Variants in CNTRL observed in about 807,000 individuals in gnomAD.
The protein encoded by CNTRL is centriolin.
Under a neutral mutation model 303.7 loss-of-function variants are expected in CNTRL, and 233 were observed. The observed-to-expected ratio is 0.77, with a 90% CI of 0.69 to 0.86. The LOEUF is 0.86. CNTRL is among the 40% of genes least tolerant of loss of function. The probability of loss-of-function intolerance (pLI) is 0.00; values close to 1 mark genes in which losing one functional copy is unlikely to be tolerated. For synonymous variants in CNTRL, 900 were observed against 922.2 expected, an observed-to-expected ratio of 0.98 and a Z score of 0.44; for missense variants, 2,524 against 2,650.6, an observed-to-expected ratio of 0.95 and a Z score of 1.05.
intron 19 of CNTRL, among the ~76,000 whole-genome samples, chr9:121,142,912 AC>A (rs2051603030): frequency 6.8e-6 from 1 of 147,292 alleles, no homozygotes; most frequent in African/African-American, 2.6e-5. Flanking sequence ...ACCAACTATA[AC>A]TTTTTTTTTT....
At position 121,152,601 on chromosome 9, in the gene CNTRL, T is replaced by C. The variant is rs1293394811; in HGVS notation, c.4080T>C (p.His1360=). ...CGGAGAAAGAAATGGAAGAACTGCA[T>C]CATAATATTGATGATCTTTTGCAAG... ...RQSEKEMEEL[H]HNIDDLLQEK... The change falls in exon 26 of 44, where the codon CAT becomes CAC. Residue 1360 remains histidine (H), a synonymous_variant. Coordinates refer to ENST00000373855, the MANE Select transcript of CNTRL (RefSeq NM_007018.6). 1.9e-6 allele frequency: 3 copies of C among 1,614,004 alleles called. No homozygotes were observed. Among genetic ancestry groups the C allele is most frequent in the Non-Finnish European group, 2.5e-6 (3 of 1,179,890 alleles).
chr9:121,109,597 A>C (rs74837023), intron 8 of CNTRL, among the ~76,000 whole-genome samples: 1 of 135,586 alleles, frequency 7.4e-6, no homozygotes, highest in Non-Finnish European at 1.7e-5. Context: ...GTGTGTGTCT[A>C]TATATACCTT....
intron 7 of CNTRL, among the ~76,000 whole-genome samples, chr9:121,106,086 C>T (rs1431466774): frequency 6.6e-6 from 1 of 152,034 alleles, no homozygotes; most frequent in African/African-American, 2.4e-5. Flanking sequence ...CACCTGTAAT[C>T]CCAGCACTTT....
At chr9:121,077,380 A>G (rs1478205646) in intron 1 of CNTRL, among the ~76,000 whole-genome samples, 1 of 151,924 alleles carries the variant, frequency 6.6e-6, no homozygotes, top group Non-Finnish European at 1.5e-5. Context: ...CATTAAAATT[A>G]TAATTCAGCA....
At position 121,098,539 on chromosome 9, in the gene CNTRL, G is replaced by C. The variant is rs2048988257; in HGVS notation, c.775G>C (p.Asp259His). The C allele has an allele frequency of 1.2e-6, 2 of 1,610,114 alleles. No individual in the cohort carries two copies. Among genetic ancestry groups the C allele is most frequent in the Non-Finnish European group, 1.7e-6 (2 of 1,178,822 alleles). ...SLEGQPVTTQ[D>H]RQEAFERFSL... is the part of the protein sequence containing the mutation. The stretch of plus-strand genomic sequence containing the variant: ...GGAAGGTCAGCCAGTAACCACTCAG[G>C]ATAGACAGGAGGCTTTTGAGAGATT... The change falls in exon 7 of 44, where the codon GAT becomes CAT. Residue 259 changes from aspartate (D) to histidine (H), a missense_variant. Coordinates refer to ENST00000373855, the MANE Select transcript of CNTRL (RefSeq NM_007018.6).
At position 121,075,065 on chromosome 9, in the gene CNTRL, G is replaced by A; in HGVS notation, c.-207G>A. ...CGGGACTGCTCGGCTCGGCTTCTAG[G>A]CGGTGAGCGTCAGACCTGGCCGAGC... On this transcript the variant is annotated splice_region_variant and 5_prime_UTR_variant, in exon 1 of 44. Transcript: ENST00000373855. 2.4e-6 allele frequency: 1 copy of A among 416,794 alleles called. No individual in the cohort carries two copies. The highest frequency in any genetic ancestry group is 4.9e-6 in the Non-Finnish European group (1 of 203,848). The allele number at this position is 416,794 out of a possible 1,614,324, so 25.8% of individuals were successfully genotyped here.
rs1051644082 is a variant in CNTRL at position 121,113,613 on chromosome 9, C to T, written c.1234C>T (p.Gln412Ter). The change falls in exon 10 of 44, where the codon CAG (glutamine) becomes TAG (stop). Residue 412 changes from glutamine to a stop codon, truncating the protein, a stop_gained. Coordinates refer to ENST00000373855, the MANE Select transcript of CNTRL (RefSeq NM_007018.6). LOFTEE classifies it high-confidence loss of function. ...SYIIDSAQAV[Q>*]IKKMEPDEQL... ...TATTATTGACAGTGCTCAGGCAGTA[C>T]AGATCAAGAAGATGGAGCCAGATGA... 5 of 1,609,516 alleles carry T rather than the reference C, an allele frequency of 3.1e-6. No homozygotes were observed. Among genetic ancestry groups the T allele is most frequent in the Non-Finnish European group, 4.2e-6 (5 of 1,178,422 alleles).
chr9:121,094,129 A>G (rs1161200069), intron 4 of CNTRL, among the ~76,000 whole-genome samples: 1 of 138,240 alleles, frequency 7.2e-6, no homozygotes, highest in Non-Finnish European at 1.6e-5. Flanking sequence ...CACCCCCGCA[A>G]AAAAAAAGAA....
chr9:121,168,026 T>G, intron 37 of CNTRL, 70 bp from the exon 38 acceptor site: 1 of 1,323,380 alleles, frequency 7.6e-7, no homozygotes, highest in Non-Finnish European at 1.1e-6. Flanking sequence ...GGAATCTGTC[T>G]CATGTCCATG....
intron 7 of CNTRL, 133 bp from the exon 8 acceptor site, chr9:121,107,669 G>T: frequency 1.7e-6 from 1 of 593,414 alleles, no homozygotes. Flanking sequence ...CCAAAACCAT[G>T]GTGGCTAATT....
chr9:121,084,565 G>A (rs2048273006), intron 2 of CNTRL, among the ~76,000 whole-genome samples: 1 of 147,168 alleles, frequency 6.8e-6, no homozygotes, highest in South Asian at 2.1e-4. Context: ...TTTTTTGTGA[G>A]ATGGAGTCTC....
chr9:121,099,819 A>T (rs1166113766), intron 7 of CNTRL, among the ~76,000 whole-genome samples: 2 of 152,222 alleles, frequency 1.3e-5, no homozygotes, highest in Admixed American at 1.3e-4. Flanking sequence ...GTGATTGAAG[A>T]TCAAGTGAAT....
intron 18 of CNTRL, 27 bp from the exon 19 acceptor site, chr9:121,142,064 C>A: frequency 6.5e-7 from 1 of 1,533,486 alleles, no homozygotes; most frequent in Non-Finnish European, 8.8e-7. Flanking sequence ...GCCTAAAAAT[C>A]ATTCTTGAAA....
At chr9:121,107,174 C>G (rs555676366) in intron 7 of CNTRL, among the ~76,000 whole-genome samples, 2 of 152,116 alleles carry the variant, frequency 1.3e-5, no homozygotes, top group East Asian at 3.9e-4. Context: ...TTTTTTAAAA[C>G]TTAAGACCTG....
rs190116590 is a variant in CNTRL at position 121,089,518 on chromosome 9, T to C, written c.218-757T>C. ...GAAAGTTATAAGACCAGATTTGCCA[T>C]CCATCAAGTGACTGCTCTAGCTCTA... is the stretch of plus-strand genomic sequence containing the variant. On this transcript the variant is annotated intron_variant, in intron 3 of 43. Coordinates refer to ENST00000373855, the MANE Select transcript of CNTRL (RefSeq NM_007018.6). Among the ~76,000 whole-genome samples, 208 of 152,318 alleles carry C rather than the reference T, an allele frequency of 1.4e-3. 2 individuals are homozygous for C. Among genetic ancestry groups the C allele is most frequent in the African/African-American group, 4.6e-3 (191 of 41,584 alleles).
intron 25 of CNTRL, among the ~76,000 whole-genome samples, chr9:121,150,957 A>G (rs1426832288): frequency 1.3e-5 from 2 of 152,242 alleles, no homozygotes; most frequent in East Asian, 3.8e-4. Context: ...GTACACATAC[A>G]TATATGTATA....
At position 121,125,804 on chromosome 9, in the gene CNTRL, G is replaced by A. The variant is rs1388726333; in HGVS notation, c.1893G>A (p.Gln631=). Residue 631 remains glutamine (Q), a synonymous_variant, in exon 14 of 44, where the codon CAG becomes CAA. Transcript: ENST00000373855. ...LQEYLGTIKG[Q]ATQAQNECRK... ...AATACCTGGGGACCATTAAAGGCCA[G>A]GCAACTCAGGCCCAGAATGAGTGCA... The A allele has an allele frequency of 1.1e-5, 18 of 1,614,196 alleles. No homozygotes were observed. Among genetic ancestry groups the A allele is most frequent in the Non-Finnish European group, 1.4e-5 (16 of 1,180,036 alleles).
intron 12 of CNTRL, among the ~76,000 whole-genome samples, chr9:121,123,224 T>G (rs1466827749): frequency 1.3e-5 from 2 of 152,156 alleles, no homozygotes; most frequent in Non-Finnish European, 2.9e-5. Context: ...TGGGATATAG[T>G]TTTTAAGTCT....
chr9:121,154,611 T>C (rs2043658743), intron 26 of CNTRL, 110 bp from the exon 27 acceptor site: 1 of 651,884 alleles, frequency 1.5e-6, no homozygotes, highest in Admixed American at 2.9e-5. Context: ...TTCTTACCTA[T>C]TCTCATATAA....
Sources: allele counts gnomAD v4.1 joint callset (sites outside exome capture counted in the v4.1 genomes callset), GRCh38; gene constraint gnomAD v4.1.1; transcripts MANE v1.5; gene names NCBI Gene and HGNC (gene_info 2026-07-23, HGNC 2026-07-21).